The following CIMIP4 variants were observed in gnomAD, a reference collection of about 807,000 sequenced individuals.
The protein encoded by CIMIP4 is ciliary microtubule inner protein 4, also known as protein EAN57.
At chr22:37,003,734 C>A in the CIMIP4 span, among the ~76,000 whole-genome samples, 385 of 152,296 alleles carry the variant, frequency 2.5e-3, 3 homozygotes, top group African/African-American at 9.0e-3. Flanking sequence ...GAGACCATAT[C>A]GGGGTGATAA....
chr22:37,000,032 C>G, the CIMIP4 span: 3 of 1,579,796 alleles, frequency 1.9e-6, no homozygotes, highest in Non-Finnish European at 2.6e-6. Flanking sequence ...AAAGCAGTTT[C>G]AAGCCCCATA....
chr22:36,995,867 T>G, the CIMIP4 span, among the ~76,000 whole-genome samples: 1 of 152,224 alleles, frequency 6.6e-6, no homozygotes, highest in African/African-American at 2.4e-5. Flanking sequence ...TATGTTTTTA[T>G]CAGCAGTATG....
At chr22:36,991,344 C>T in the CIMIP4 span, 1 of 1,579,086 alleles carries the variant, frequency 6.3e-7, no homozygotes, top group East Asian at 2.2e-5. Flanking sequence ...TGCCCAGACC[C>T]CAGGGATGAC....
chr22:36,994,723 C>G, the CIMIP4 span, among the ~76,000 whole-genome samples: 2 of 151,518 alleles, frequency 1.3e-5, no homozygotes, highest in Non-Finnish European at 2.9e-5. Flanking sequence ...CTCCGCTTCC[C>G]GGGTTCACGC....
At chr22:37,002,667 C>T in the CIMIP4 span, among the ~76,000 whole-genome samples, 1 of 152,192 alleles carries the variant, frequency 6.6e-6, no homozygotes, top group Admixed American at 6.5e-5. Context: ...ATGTCCCTGG[C>T]TCCATTTGGA....
At chr22:36,994,857 C>A in the CIMIP4 span, among the ~76,000 whole-genome samples, 12 of 152,098 alleles carry the variant, frequency 7.9e-5, no homozygotes, top group African/African-American at 2.7e-4. Context: ...GTCTCGATCT[C>A]CTGACCTCAT....
the CIMIP4 span, chr22:37,003,892 T>C: frequency 1.4e-6 from 2 of 1,448,080 alleles, no homozygotes; most frequent in Non-Finnish European, 1.9e-6. Flanking sequence ...AAAGGGCCGG[T>C]GCCCTGCTGC....
At chr22:36,994,734 C>A in the CIMIP4 span, among the ~76,000 whole-genome samples, 1 of 151,276 alleles carries the variant, frequency 6.6e-6, no homozygotes, top group African/African-American at 2.4e-5. Context: ...GGGTTCACGC[C>A]ATTCTCCTGC....
the CIMIP4 span, among the ~76,000 whole-genome samples, chr22:36,996,691 T>G: frequency 6.6e-6 from 1 of 152,226 alleles, no homozygotes; most frequent in Non-Finnish European, 1.5e-5. Context: ...TTAATAACAT[T>G]TGTATGGGAG....
chr22:36,995,971 G>C, the CIMIP4 span, among the ~76,000 whole-genome samples: 1 of 152,166 alleles, frequency 6.6e-6, no homozygotes, highest in Admixed American at 6.5e-5. Context: ...CATTGTCCTA[G>C]AGAGGTCAGC....
At chr22:36,996,494 GA>G in the CIMIP4 span, among the ~76,000 whole-genome samples, 44,691 of 148,052 alleles carry the variant, frequency 0.3, 6,793 homozygotes, top group Admixed American at 0.33. Flanking sequence ...GATGTTTATA[GA>G]AAAAAAAAAA....
the CIMIP4 span, among the ~76,000 whole-genome samples, chr22:36,992,575 G>A: frequency 6.6e-6 from 1 of 152,162 alleles, no homozygotes; most frequent in East Asian, 1.9e-4. Context: ...GGAGTGGATG[G>A]GTGGGAGAAA....
At chr22:37,004,584 C>T in the CIMIP4 span, among the ~76,000 whole-genome samples, 1 of 152,172 alleles carries the variant, frequency 6.6e-6, no homozygotes. Flanking sequence ...ACACTTTGCT[C>T]TGGTGTAAAC....
the CIMIP4 span, among the ~76,000 whole-genome samples, chr22:36,995,298 T>C: frequency 2.0e-5 from 3 of 152,016 alleles, no homozygotes; most frequent in Admixed American, 2.0e-4. Context: ...CCAGCCAAGG[T>C]TTTGATTTGT....
At chr22:36,991,490 C>A in the CIMIP4 span, 2 of 1,614,016 alleles carry the variant, frequency 1.2e-6, no homozygotes, top group Non-Finnish European at 1.7e-6. Flanking sequence ...CCCAGATCAT[C>A]CGTCTTCCTG....
At chr22:37,001,870 G>A in the CIMIP4 span, 1 of 1,606,622 alleles carries the variant, frequency 6.2e-7, no homozygotes, top group Non-Finnish European at 8.5e-7. Context: ...CCACCACATT[G>A]CTCCCAAACT....
chr22:37,007,689 T>A, the CIMIP4 span: 1 of 152,284 alleles, frequency 6.6e-6, no homozygotes. Flanking sequence ...AAACCCCATG[T>A]CCTGGAAGAA....
the CIMIP4 span, among the ~76,000 whole-genome samples, chr22:37,005,633 A>G: frequency 1.3e-5 from 2 of 151,810 alleles, no homozygotes; most frequent in African/African-American, 4.8e-5. Context: ...GGAATATATT[A>G]CTAGAAATAG....
At chr22:37,005,553 GTTT>G in the CIMIP4 span, among the ~76,000 whole-genome samples, 4 of 145,416 alleles carry the variant, frequency 2.8e-5, no homozygotes, top group Admixed American at 6.8e-5. Context: ...ACCTTAAACA[GTTT>G]TTTTTTTTTT....
Sources: gnomAD v4.1 joint callset for allele counts (sites outside exome capture counted in the v4.1 genomes callset) on GRCh38, gnomAD v4.1.1 for gene constraint, MANE v1.5 for transcripts, NCBI Gene and HGNC (gene_info 2026-07-23, HGNC 2026-07-21) for gene names.